Variants in PLAUR observed in about 807,000 individuals in gnomAD.
PLAUR encodes the protein urokinase plasminogen activator surface receptor.
A neutral mutation model predicts 33.4 loss-of-function variants in PLAUR; 22 were observed. The ratio of observed to expected loss-of-function variants is 0.66; its 90% confidence interval spans 0.47 to 0.94. PLAUR has a LOEUF of 0.94. PLAUR is among the 40% of genes least tolerant of loss of function. PLAUR has a pLI of 0.00. For missense variants in PLAUR, 408 were observed against 434.7 expected (o/e 0.94, Z 0.55); for synonymous variants, 148 against 167.3 (o/e 0.88, Z 0.89).
At chr19:43,656,050 T>C (rs4239526) in intron 4 of PLAUR, among the ~76,000 whole-genome samples, 50,299 of 151,630 alleles carry the variant, frequency 0.33, 9,381 homozygotes, top group African/African-American at 0.51. Flanking sequence ...GTCAGGAGTT[T>C]GAGACCAGCC....
At chr19:43,655,348 A>G in intron 5 of PLAUR, 91 bp downstream of exon 5, 1 of 1,196,620 alleles carries the variant, frequency 8.4e-7, no homozygotes, top group Non-Finnish European at 1.2e-6. Flanking sequence ...CCCAGAGAGG[A>G]CTTGATTGCC....
chr19:43,651,677 T>G, intron 6 of PLAUR: 12 of 321,818 alleles, frequency 3.7e-5, no homozygotes, highest in South Asian at 1.2e-4. Context: ...CCTCAAGTGG[T>G]TCTCCTCCTC....
rs868260969 is a variant in PLAUR, at chr19:43,668,007, G to C, written c.56-316C>G. ...AGTCGTATCCCCGCCCTCTCTATCA[G>C]TACGTTCTATTCCTGCTCCTATTAG... On this transcript the variant is annotated intron_variant, in intron 1 of 6. Coordinates refer to ENST00000340093, the MANE Select transcript of PLAUR (RefSeq NM_002659.4). 6.1e-5 allele frequency: 72 copies of C among 1,183,120 alleles called. 2 individuals carry two copies. The Middle Eastern group carries it at 8.0e-3, about 132-fold the overall frequency. The allele number at this position is 1,183,120 out of a possible 1,614,324, so 73.3% of individuals were successfully genotyped here.
chr19:43,665,522 C>G (rs1454341974), intron 2 of PLAUR, 63 bp from the exon 3 acceptor site: 8 of 1,567,840 alleles, frequency 5.1e-6, no homozygotes, highest in Non-Finnish European at 7.0e-6. Context: ...CTCTGACACT[C>G]CTGGTCTCAA....
intron 1 of PLAUR, chr19:43,668,419 G>T: frequency 2.2e-6 from 1 of 463,528 alleles, no homozygotes; most frequent in Non-Finnish European, 2.8e-6. Flanking sequence ...CCTCCCCGAT[G>T]CCATAACCCC....
intron 5 of PLAUR, among the ~76,000 whole-genome samples, chr19:43,653,069 T>C (rs898677680): frequency 6.6e-6 from 1 of 152,108 alleles, no homozygotes; most frequent in African/African-American, 2.4e-5. Flanking sequence ...CGCCTCCGCC[T>C]CCAAAAGTGC....
At chr19:43,649,945 C>T (rs1284289770) in intron 6 of PLAUR, among the ~76,000 whole-genome samples, 2 of 151,084 alleles carry the variant, frequency 1.3e-5, no homozygotes, top group African/African-American at 4.9e-5. Flanking sequence ...CAGCTGTCTT[C>T]TATTAAGCTG....
intron 6 of PLAUR, among the ~76,000 whole-genome samples, chr19:43,651,571 GT>G (rs1331220766): frequency 6.6e-6 from 1 of 151,796 alleles, no homozygotes; most frequent in Non-Finnish European, 1.5e-5. Context: ...AGTAGCTGGG[GT>G]TATAGGTGCA....
intron 3 of PLAUR, among the ~76,000 whole-genome samples, chr19:43,660,168 T>TGTTCC (rs1966907736): frequency 7.0e-6 from 1 of 142,384 alleles, no homozygotes; most frequent in African/African-American, 3.1e-5. Flanking sequence ...TGTTTTGTTT[T>TGTTCC]GTTTTGTTTT....
chr19:43,669,395 G>A (rs1967420483), intron 1 of PLAUR, among the ~76,000 whole-genome samples: 1 of 152,190 alleles, frequency 6.6e-6, no homozygotes, highest in Non-Finnish European at 1.5e-5. Context: ...CACTGGCTGT[G>A]TGATTTTAGG....
intron 2 of PLAUR, among the ~76,000 whole-genome samples, 163 bp from the exon 3 acceptor site, chr19:43,665,622 C>A (rs1043051798): frequency 5.6e-5 from 8 of 143,848 alleles, no homozygotes; most frequent in African/African-American, 7.8e-5. Context: ...CTTGCCTCCA[C>A]CCCCACCCCA....
rs768969786 is a variant in PLAUR at position 43,670,082 on chromosome 19, G to GAGC, written c.36_38dup (p.Leu13dup). On this transcript the variant is annotated inframe_insertion, in exon 1 of 7. Transcript: ENST00000340093. ...AGCCCCTACCTGGGACGCAGGTGTG[G>GAGC]AGCAGCAGCAGCAGCGGCAGCAGCG... The GAGC allele has an allele frequency of 5.6e-6, 9 of 1,613,060 alleles. No individual in the cohort carries two copies. The highest frequency in any genetic ancestry group is 5.1e-6 in the Non-Finnish European group (6 of 1,179,510).
At chr19:43,669,342 G>C (rs916759399) in intron 1 of PLAUR, among the ~76,000 whole-genome samples, 11 of 152,226 alleles carry the variant, frequency 7.2e-5, no homozygotes, top group African/African-American at 2.4e-4. Flanking sequence ...GCAGCGTGGA[G>C]AGCGCTGGGG....
At chr19:43,652,059 G>A in intron 6 of PLAUR, 166 bp downstream of exon 6, 1 of 1,407,350 alleles carries the variant, frequency 7.1e-7, no homozygotes, top group South Asian at 1.5e-5. Context: ...ACATCCTGAT[G>A]GACAAGTCCT....
At chr19:43,662,359 A>G (rs988189326) in intron 3 of PLAUR, among the ~76,000 whole-genome samples, 1 of 152,092 alleles carries the variant, frequency 6.6e-6, no homozygotes, top group African/African-American at 2.4e-5. Flanking sequence ...TTAGCCGGGC[A>G]TGGTGGCGGG....
chr19:43,666,578 C>T (rs575476528), intron 2 of PLAUR, among the ~76,000 whole-genome samples: 21 of 131,258 alleles, frequency 1.6e-4, no homozygotes, highest in African/African-American at 5.6e-4. Flanking sequence ...TTCTTTCTTT[C>T]TTTCTTGAGA....
chr19:43,669,453 T>G (rs1967422909), intron 1 of PLAUR, among the ~76,000 whole-genome samples: 1 of 152,162 alleles, frequency 6.6e-6, no homozygotes, highest in African/African-American at 2.4e-5. Flanking sequence ...CGAAACGAAA[T>G]TAATAAAGTC....
downstream of PLAUR, chr19:43,646,179 T>G: frequency 3.6e-6 from 1 of 279,142 alleles, no homozygotes; most frequent in South Asian, 4.7e-5. Flanking sequence ...GCTCAAGAGA[T>G]CTTCCTTTCT....
At chr19:43,653,606 C>T (rs1974084432) in intron 5 of PLAUR, among the ~76,000 whole-genome samples, 1 of 151,302 alleles carries the variant, frequency 6.6e-6, no homozygotes, top group Admixed American at 6.6e-5. Flanking sequence ...TTGCAGTGAG[C>T]CAAGATCACG....
Sources: allele counts gnomAD v4.1 joint callset (sites outside exome capture counted in the v4.1 genomes callset), GRCh38; gene constraint gnomAD v4.1.1; transcripts MANE v1.5; gene names NCBI Gene and HGNC (gene_info 2026-07-23, HGNC 2026-07-21).